PTPRA: variants seen among roughly 807,000 people sequenced by gnomAD.
PTPRA encodes the protein receptor-type tyrosine-protein phosphatase alpha.
In PTPRA, 25 loss-of-function variants were observed where a neutral mutation model predicts 104.8. The observed-to-expected ratio is 0.24, with a 90% CI of 0.17 to 0.33. The LOEUF is 0.33. Among genes scored for constraint, PTPRA ranks in the 10% least tolerant of loss-of-function variants. The pLI is 1.00. For synonymous variants in PTPRA, 323 were observed against 368.9 expected (o/e 0.88, Z 1.43); for missense variants, 765 against 1,015.3 (o/e 0.75, Z 3.35).
chr20:3,038,161 G>C lies in PTPRA; in HGVS notation c.*28G>C. 6.4e-7 allele frequency: 1 copy of C among 1,565,712 alleles called. No homozygotes were observed. Among genetic ancestry groups the C allele is most frequent in the Middle Eastern group, 1.7e-4 (1 of 5,970 alleles). On this transcript the variant is annotated 3_prime_UTR_variant, in exon 24 of 24. Coordinates refer to ENST00000399903, the MANE Select transcript of PTPRA (RefSeq NM_001385305.1). ...GGCAACAAGGGTCCGTGGACCAGGAGGATTGCCTTTAATATTTTGTAATAT... is the reference window on the plus strand; with the variant it reads ...GGCAACAAGGGTCCGTGGACCAGGACGATTGCCTTTAATATTTTGTAATAT...
rs907245988 is a variant in PTPRA at position 3,037,852 on chromosome 20, C to G, written c.2335-207C>G. The stretch of plus-strand genomic sequence containing the variant: ...TGGGGCCTGGGTCAGCTCTGGTCAG[C>G]TCTGCTTGTAGAAGGTCTGCTGCAT... On this transcript the variant is annotated intron_variant, in intron 23 of 23. Coordinates refer to ENST00000399903, the MANE Select transcript of PTPRA (RefSeq NM_001385305.1). The surrounding 1 kb of genome is among the most constrained non-coding windows in gnomAD (Gnocchi z 4.3). Among the ~76,000 whole-genome samples, 1 of 152,204 alleles carries G rather than the reference C, an allele frequency of 6.6e-6. No individual in the cohort carries two copies. Among genetic ancestry groups the G allele is most frequent in the Non-Finnish European group, 1.5e-5 (1 of 68,026 alleles).
chr20:2,929,424 G>T (rs564688006), intron 2 of PTPRA, among the ~76,000 whole-genome samples: 9 of 152,228 alleles, frequency 5.9e-5, no homozygotes, highest in Admixed American at 4.6e-4. Context: ...TTATTTGCTT[G>T]ATGTGTGTCC....
At chr20:2,964,426 C>T (rs972219978) in intron 4 of PTPRA, 76 bp downstream of exon 4, 8 of 1,205,916 alleles carry the variant, frequency 6.6e-6, no homozygotes, top group Non-Finnish European at 9.5e-6. Flanking sequence ...ATTTGAAAAC[C>T]GAGATGGTAT....
intron 1 of PTPRA, among the ~76,000 whole-genome samples, chr20:2,918,066 C>T (rs144778067): frequency 0.02 from 2,305 of 118,028 alleles, 60 homozygotes; most frequent in African/African-American, 0.071. Flanking sequence ...CCAGCCTGGG[C>T]GATAGAGTGA....
At chr20:2,941,147 C>T (rs769691080) in intron 2 of PTPRA, among the ~76,000 whole-genome samples, 22 of 152,030 alleles carry the variant, frequency 1.4e-4, no homozygotes, top group Non-Finnish European at 2.9e-4. Flanking sequence ...TCTCCTGCCT[C>T]GGCCTCCCTA....
At chr20:2,985,231 A>C (rs2062850413) in intron 6 of PTPRA, among the ~76,000 whole-genome samples, 1 of 152,250 alleles carries the variant, frequency 6.6e-6, no homozygotes, top group Admixed American at 6.5e-5. Flanking sequence ...TAAACAGAGC[A>C]CTGAGGGTGG....
chr20:2,910,936 T>G (rs1393198328), intron 1 of PTPRA, among the ~76,000 whole-genome samples: 3 of 149,006 alleles, frequency 2.0e-5, no homozygotes, highest in African/African-American at 7.3e-5. Context: ...TTTTTTTTTT[T>G]GTAGAGATGT....
intron 2 of PTPRA, among the ~76,000 whole-genome samples, chr20:2,935,823 T>C (rs2147575565): frequency 6.6e-6 from 1 of 152,318 alleles, no homozygotes; most frequent in East Asian, 1.9e-4. Flanking sequence ...GACACTAGCC[T>C]GACTGCCATG....
intron 7 of PTPRA, 194 bp from the exon 8 acceptor site, chr20:2,987,838 A>T (rs2062971585): frequency 2.8e-6 from 2 of 719,122 alleles, no homozygotes; most frequent in East Asian, 5.2e-5. Flanking sequence ...GCCAAGGGTA[A>T]ACAGGAGTAT....
intron 11 of PTPRA, among the ~76,000 whole-genome samples, chr20:3,009,412 G>A (rs796413866): frequency 3.9e-5 from 6 of 152,294 alleles, no homozygotes; most frequent in African/African-American, 1.4e-4. Context: ...GAAAAGAAAA[G>A]CGTTAGGAAG....
chr20:2,931,342 C>G (rs2060496016), intron 2 of PTPRA, among the ~76,000 whole-genome samples: 2 of 152,078 alleles, frequency 1.3e-5, no homozygotes, highest in African/African-American at 2.4e-5. Context: ...ACCGGAGAGT[C>G]TGAGACAGTG....
chr20:2,910,312 T>TAATATATTTTG (rs1302165147), intron 1 of PTPRA, among the ~76,000 whole-genome samples: 1 of 69,852 alleles, frequency 1.4e-5, no homozygotes, highest in Non-Finnish European at 3.2e-5. Flanking sequence ...ATTTTATATA[T>TAATATATTTTG]TATAATATAT....
intron 12 of PTPRA, 37 bp from the exon 13 acceptor site, chr20:3,017,779 T>C: frequency 6.4e-7 from 1 of 1,557,824 alleles, no homozygotes; most frequent in South Asian, 1.1e-5. Flanking sequence ...TTCTTCTTGG[T>C]GTATATTCTC....
At chr20:2,989,015 A>G (rs1450375211) in intron 9 of PTPRA, among the ~76,000 whole-genome samples, 1 of 152,240 alleles carries the variant, frequency 6.6e-6, no homozygotes, top group Non-Finnish European at 1.5e-5. Context: ...CGACCATGGG[A>G]GACTGCAGAG....
chr20:2,878,166 A>T (rs976346533), intron 1 of PTPRA, among the ~76,000 whole-genome samples: 1 of 152,070 alleles, frequency 6.6e-6, no homozygotes, highest in Non-Finnish European at 1.5e-5. Context: ...AAGAAAAAAA[A>T]AATCACAGTA....
intron 3 of PTPRA, among the ~76,000 whole-genome samples, chr20:2,956,351 A>T (rs1314987392): frequency 6.6e-6 from 1 of 152,086 alleles, no homozygotes; most frequent in Non-Finnish European, 1.5e-5. Flanking sequence ...TCATGATATG[A>T]TCGCTGCCTC....
intron 11 of PTPRA, among the ~76,000 whole-genome samples, chr20:3,008,915 A>G (rs1470153624): frequency 6.6e-6 from 1 of 152,120 alleles, no homozygotes; most frequent in Non-Finnish European, 1.5e-5. Context: ...GTCTCAAAAA[A>G]AAAGAAGAGT....
chr20:3,033,287 T>C (rs1294148466), intron 20 of PTPRA, among the ~76,000 whole-genome samples: 1 of 151,930 alleles, frequency 6.6e-6, no homozygotes, highest in Non-Finnish European at 1.5e-5. Flanking sequence ...TAGTACCACC[T>C]TCTGCCCAGT....
chr20:2,900,292 C>T (rs780539467), intron 1 of PTPRA, among the ~76,000 whole-genome samples: 2 of 152,108 alleles, frequency 1.3e-5, no homozygotes, highest in African/African-American at 2.4e-5. Context: ...CATACAGGCA[C>T]GTGCCACTGT....
Sources: gnomAD v4.1 joint callset for allele counts (sites outside exome capture counted in the v4.1 genomes callset) on GRCh38, gnomAD v4.1.1 for gene constraint, Gnocchi (gnomAD v3.1) non-coding constraint, MANE v1.5 for transcripts, NCBI Gene and HGNC (gene_info 2026-07-23, HGNC 2026-07-21) for gene names.